Variants in DLG5 observed in about 807,000 individuals in gnomAD.
DLG5 encodes the protein discs large MAGUK scaffold protein 5, also known as disks large homolog 5.
In DLG5, 48 loss-of-function variants were observed where a neutral mutation model predicts 189.8. That is an observed-to-expected ratio of 0.25 (90% confidence interval 0.20 to 0.32). The LOEUF is 0.32. Among genes scored for constraint, DLG5 ranks in the 10% least tolerant of loss-of-function variants. DLG5 has a pLI of 1.00. For synonymous variants in DLG5, 1,016 were observed against 1,054.1 expected, an observed-to-expected ratio of 0.96 and a Z score of 0.70; for missense variants, 2,160 against 2,544.7, an observed-to-expected ratio of 0.85 and a Z score of 3.25.
chr10:77,816,787 A>G (rs1425261627), intron 19 of DLG5, 86 bp from the exon 20 acceptor site: 1 of 1,524,034 alleles, frequency 6.6e-7, no homozygotes, highest in Non-Finnish European at 8.9e-7. Context: ...CGATCCAGAC[A>G]CACAGCTCTA....
chr10:77,897,993 C>T (rs946178481), intron 1 of DLG5, among the ~76,000 whole-genome samples: 3 of 152,156 alleles, frequency 2.0e-5, no homozygotes, highest in African/African-American at 4.8e-5. Context: ...AGAGACCCTC[C>T]GAAGTCCTGT....
chr10:77,806,022 C>G (rs1841453059), intron 26 of DLG5, 161 bp from the exon 27 acceptor site: 3 of 661,146 alleles, frequency 4.5e-6, no homozygotes, highest in Non-Finnish European at 7.5e-6. Context: ...CCCCTGGGAA[C>G]CCTCGGTACA....
chr10:77,824,098 C>T (rs1248630), intron 14 of DLG5, among the ~76,000 whole-genome samples: 38,760 of 152,148 alleles, frequency 0.25, 5,518 homozygotes, highest in Admixed American at 0.39. Context: ...TCCTGTATAA[C>T]AACCCCAATG....
At chr10:77,922,075 T>C (rs908986659) in intron 1 of DLG5, among the ~76,000 whole-genome samples, 2 of 152,178 alleles carry the variant, frequency 1.3e-5, no homozygotes, top group East Asian at 1.9e-4. Flanking sequence ...TGTCTCATAA[T>C]GTCACTCTCA....
chr10:77,829,564 C>T, intron 11 of DLG5, 34 bp from the exon 12 acceptor site: 1 of 1,564,862 alleles, frequency 6.4e-7, no homozygotes, highest in South Asian at 1.2e-5. Context: ...AGCACCCACA[C>T]AGGCTGTGGG....
intron 22 of DLG5, 112 bp from the exon 23 acceptor site, chr10:77,811,346 T>C: frequency 7.4e-7 from 1 of 1,358,068 alleles, no homozygotes; most frequent in Non-Finnish European, 9.9e-7. Context: ...CACATAGCCC[T>C]GCACCCTGTG....
chr10:77,888,389 G>A (rs188843498), intron 1 of DLG5, among the ~76,000 whole-genome samples: 14 of 152,222 alleles, frequency 9.2e-5, no homozygotes, highest in Non-Finnish European at 1.5e-4. Context: ...CTCTTCCCTC[G>A]GGTGACCTAC....
rs113560105 is a variant in DLG5, at chr10:77,916,610, A to G, written c.304+9607T>C. Among the ~76,000 whole-genome samples the G allele has an allele frequency of 1.4e-3, 207 of 152,266 alleles. 2 individuals carry two copies. Among genetic ancestry groups the G allele is most frequent in the African/African-American group, 4.4e-3 (182 of 41,552 alleles). On this transcript the variant is annotated intron_variant, in intron 1 of 31. Transcript: ENST00000372391. ...CCCGGCCAAAAACAATTTTTAGAAG[A>G]AAAAAAGGAAAGAAAATGCTATCCA...
intron 16 of DLG5, 188 bp downstream of exon 16, chr10:77,819,707 T>G: frequency 8.9e-7 from 1 of 1,128,860 alleles, no homozygotes; most frequent in Non-Finnish European, 1.2e-6. Context: ...GAAAGCATGT[T>G]GACAAGCTAA....
Position 77,841,970 on chromosome 10 carries a change from G to A in DLG5, c.1348C>T (p.Gln450Ter). The A allele has an allele frequency of 6.2e-7, 1 of 1,614,168 alleles. No individual in the cohort carries two copies. Among genetic ancestry groups the A allele is most frequent in the Non-Finnish European group, 8.5e-7 (1 of 1,180,044 alleles). The change falls in exon 7 of 32, where the codon CAG becomes TAG. Residue 450 changes from glutamine (Q) to a stop codon, truncating the protein, a stop_gained. Coordinates refer to ENST00000372391, the MANE Select transcript of DLG5 (RefSeq NM_004747.4). LOFTEE classifies it high-confidence loss of function. ...DQVISELDKL[Q>*]TEVELAESKL... ...GACTCGGCCAGCTCCACTTCGGTCT[G>A]CAGCTTGTCCAGCTCAGAGATGACC...
chr10:77,812,637 G>A (rs2241829), intron 20 of DLG5, among the ~76,000 whole-genome samples: 6,791 of 152,216 alleles, frequency 0.045, 236 homozygotes, highest in East Asian at 0.18. Context: ...AGAACGGTCC[G>A]TGTGAACTAT....
intron 1 of DLG5, among the ~76,000 whole-genome samples, chr10:77,924,730 C>A (rs994512899): frequency 1.3e-5 from 2 of 152,166 alleles, no homozygotes; most frequent in Non-Finnish European, 2.9e-5. Context: ...ATGACCACAA[C>A]TGGGGGGAAA....
rs760429412 is a variant in DLG5, at chr10:77,819,378, C to A, written c.3614G>T (p.Gly1205Val). The A allele has an allele frequency of 1.2e-6, 2 of 1,614,044 alleles. No homozygotes were observed. The highest frequency in any genetic ancestry group is 1.7e-6 in the Non-Finnish European group (2 of 1,180,006). Residue 1205 changes from glycine (G) to valine (V), a missense_variant, in exon 17 of 32, where the codon GGC (glycine) becomes GTC (valine). Gly to Val is a moderately radical substitution (Grantham distance 109). Coordinates refer to ENST00000372391, the MANE Select transcript of DLG5 (RefSeq NM_004747.4). ...GGCCGCAGGTGGAGAGCTGCAGGGG[C>A]CGACCCTGTGACTGCGCACAGTGTA... ...PIYTVRSHRV[G>V]PCSSPPAARD...
intron 1 of DLG5, among the ~76,000 whole-genome samples, chr10:77,922,497 G>A (rs925397682): frequency 1.3e-5 from 2 of 152,228 alleles, no homozygotes; most frequent in Admixed American, 6.5e-5. Flanking sequence ...TATCAAATCC[G>A]GGACAAAAGA....
chr10:77,892,077 C>A lies in DLG5; in HGVS notation c.305-22880G>T, dbSNP rs558348292. 1.6e-4 allele frequency among the ~76,000 whole-genome samples: 25 copies of A among 152,334 alleles called. No homozygotes were observed. In the East Asian group the frequency reaches 4.8e-3, roughly 29 times the overall value. ...TCCCAGACTCGGGAGGACGGACACACCCACAGGCCAAACAAGGCATTAGGA... is the reference window on the plus strand; with the variant it reads ...TCCCAGACTCGGGAGGACGGACACAACCACAGGCCAAACAAGGCATTAGGA... On this transcript the variant is annotated intron_variant, in intron 1 of 31. Transcript: ENST00000372391.
intron 1 of DLG5, among the ~76,000 whole-genome samples, chr10:77,919,106 C>A (rs1846458497): frequency 6.6e-6 from 1 of 151,992 alleles, no homozygotes; most frequent in Non-Finnish European, 1.5e-5. Context: ...ATCCCAGCCA[C>A]TCGGAAGGCT....
At chr10:77,841,274 T>G (rs957520511) in intron 7 of DLG5, among the ~76,000 whole-genome samples, 1 of 151,708 alleles carries the variant, frequency 6.6e-6, no homozygotes, top group African/African-American at 2.4e-5. Context: ...CACCCAGGAG[T>G]TGAGCTAGGT....
chr10:77,919,338 C>G (rs957906678), intron 1 of DLG5, among the ~76,000 whole-genome samples: 3 of 152,042 alleles, frequency 2.0e-5, no homozygotes, highest in Non-Finnish European at 4.4e-5. Context: ...AGATTAACAG[C>G]AATCCTGATG....
intron 1 of DLG5, 32 bp from the exon 2 acceptor site, chr10:77,869,229 C>T: frequency 6.2e-7 from 1 of 1,603,898 alleles, no homozygotes; most frequent in Non-Finnish European, 8.5e-7. Flanking sequence ...TGTTACTAAC[C>T]CCAAGGGGTC....
Sources: allele counts gnomAD v4.1 joint callset (sites outside exome capture counted in the v4.1 genomes callset), GRCh38; gene constraint gnomAD v4.1.1; transcripts MANE v1.5; gene names NCBI Gene and HGNC (gene_info 2026-07-23, HGNC 2026-07-21).